Variants in KCNK10 observed in about 807,000 individuals in gnomAD.
KCNK10 encodes the protein potassium two pore domain channel subfamily K member 10.
Under a neutral mutation model 47.7 loss-of-function variants are expected in KCNK10, and 25 were observed. The observed-to-expected ratio is 0.52, with a 90% CI of 0.38 to 0.73. The LOEUF is 0.73. Among genes scored for constraint, KCNK10 ranks in the 30% least tolerant of loss-of-function variants. KCNK10 has a pLI of 0.00. For missense variants in KCNK10, 563 were observed against 714.5 expected (o/e 0.79, Z 2.42); for synonymous variants, 303 against 285.6 (o/e 1.06, Z -0.61).
rs1371957004 is a variant in KCNK10, at chr14:88,182,209, T to C, written c.*3326A>G. On this transcript the variant is annotated 3_prime_UTR_variant, in exon 7 of 7. Coordinates refer to ENST00000319231, the MANE Select transcript of KCNK10 (RefSeq NM_138317.3). ...CACCAGTAAACCTCCAGATTTGTCA[T>C]GCAAGAAAAATTCAGTGCCTGCTTG... 2 of 152,310 alleles carry C rather than the reference T, an allele frequency of 1.3e-5. No individual in the cohort carries two copies. Among genetic ancestry groups the C allele is most frequent in the Non-Finnish European group, 2.9e-5 (2 of 68,054 alleles). 9.4% of individuals were successfully genotyped at this position (152,310 alleles called of 1,614,324 possible). A position where few individuals can be genotyped will look rare whatever the true frequency, so the allele number is the denominator to read the frequency against.
At chr14:88,219,909 A>C (rs569011711) in intron 4 of KCNK10, among the ~76,000 whole-genome samples, 1 of 152,236 alleles carries the variant, frequency 6.6e-6, no homozygotes, top group African/African-American at 2.4e-5. Context: ...TCACTGGTCC[A>C]TTATGGCAAT....
chr14:88,300,701 C>T (rs932472746), intron 1 of KCNK10, among the ~76,000 whole-genome samples: 3 of 152,092 alleles, frequency 2.0e-5, no homozygotes, highest in Non-Finnish European at 2.9e-5. Context: ...AAGAATGCAT[C>T]TTTAGGGTAT....
intron 2 of KCNK10, among the ~76,000 whole-genome samples, chr14:88,255,291 C>T (rs1886918757): frequency 6.6e-6 from 1 of 152,172 alleles, no homozygotes; most frequent in Admixed American, 6.5e-5. Flanking sequence ...TGGAGTCTGG[C>T]TTCCCAGGGC....
At chr14:88,210,554 C>T (rs1237129228) in intron 4 of KCNK10, among the ~76,000 whole-genome samples, 1 of 152,112 alleles carries the variant, frequency 6.6e-6, no homozygotes. Context: ...ATGCAGAGGC[C>T]CTAGTCGGCC....
chr14:88,314,526 T>A (rs1888390122), intron 1 of KCNK10, among the ~76,000 whole-genome samples: 1 of 152,246 alleles, frequency 6.6e-6, no homozygotes. Context: ...ACTCAAATAT[T>A]GTGATTCCAA....
chr14:88,315,972 C>A (rs1001703486), intron 1 of KCNK10, among the ~76,000 whole-genome samples: 17 of 152,178 alleles, frequency 1.1e-4, no homozygotes, highest in African/African-American at 4.1e-4. Context: ...GCAGTAAATC[C>A]TATGTTTTCC....
intron 3 of KCNK10, among the ~76,000 whole-genome samples, chr14:88,229,540 A>T (rs2139875279): frequency 6.6e-6 from 1 of 152,334 alleles, no homozygotes; most frequent in East Asian, 1.9e-4. Flanking sequence ...TGACTAGAAC[A>T]CAAAAATAAT....
rs145319910 is a variant in KCNK10, at chr14:88,190,947, G to A, written c.868+1277C>T. ...AATCAAGACACTGCTGGGATCACAC[G>A]CCAAACAAGAACAGTCTGGCCAGGT... is the stretch of plus-strand genomic sequence containing the variant. On this transcript the variant is annotated intron_variant, in intron 5 of 6. Transcript: ENST00000319231. Among the ~76,000 whole-genome samples the A allele has an allele frequency of 6.5e-3, 981 of 152,092 alleles. 33 individuals are homozygous for A. The highest frequency in any genetic ancestry group is 0.044 in the Admixed American group (675 of 15,280).
intron 1 of KCNK10, among the ~76,000 whole-genome samples, chr14:88,317,993 AGCAG>A (rs1888463732): frequency 6.6e-6 from 1 of 152,242 alleles, no homozygotes; most frequent in Non-Finnish European, 1.5e-5. Context: ...CCATATCTTC[AGCAG>A]GCTAGATCAG....
chr14:88,185,883 CA>C lies in KCNK10; in HGVS notation c.1283del (p.Leu428ArgfsTer3). On this transcript the variant is annotated frameshift_variant, in exon 7 of 7. Transcript: ENST00000319231. LOFTEE classifies it high-confidence loss of function. This position sits in a 1 kb window ranked among gnomAD's most constrained non-coding sequence, Gnocchi z 4.3. ...TCAGCTGCTCCGGCCCCTTCAGGCG[CA>C]GGTTGTTGGGCCGGTTGTTGATGCT... ...QESINNRPNNLRLKGPEQLNK... is the reference protein window; with the variant it reads ...QESINNRPNNXRLKGPEQLNK... 3 of 1,614,092 alleles carry C rather than the reference CA, an allele frequency of 1.9e-6. No individual in the cohort carries two copies. Among genetic ancestry groups the C allele is most frequent in the Non-Finnish European group, 2.5e-6 (3 of 1,180,028 alleles).
chr14:88,278,448 G>C (rs150109359), intron 1 of KCNK10, among the ~76,000 whole-genome samples: 1 of 152,138 alleles, frequency 6.6e-6, no homozygotes, highest in African/African-American at 2.4e-5. Flanking sequence ...GACACTATTC[G>C]AAAATCTAAG....
intron 2 of KCNK10, among the ~76,000 whole-genome samples, 199 bp downstream of exon 2, chr14:88,263,003 G>C (rs1318549790): frequency 6.6e-6 from 1 of 151,868 alleles, no homozygotes; most frequent in African/African-American, 2.4e-5. Flanking sequence ...GCAGAACATG[G>C]ACCCTCCTTC....
chr14:88,294,178 G>A (rs1327362603), intron 1 of KCNK10, among the ~76,000 whole-genome samples: 1 of 152,088 alleles, frequency 6.6e-6, no homozygotes, highest in Non-Finnish European at 1.5e-5. Flanking sequence ...TAGCACATTC[G>A]ATTCCCCCAA....
chr14:88,309,259 C>A lies in KCNK10; in HGVS notation c.52+13488G>T, dbSNP rs115462766. On this transcript the variant is annotated intron_variant, in intron 1 of 6. Transcript: ENST00000319231. ...CGATATGCTCCAGACTCTAGTAGAG[C>A]CTACTGCTCTTTCTCGATTCTTTTT... 7.2e-3 allele frequency among the ~76,000 whole-genome samples: 1,097 copies of A among 152,280 alleles called. 13 individuals are homozygous for A. Among genetic ancestry groups the A allele is most frequent in the African/African-American group, 0.025 (1,047 of 41,546 alleles).
At chr14:88,264,214 A>G (rs141576653) in intron 1 of KCNK10, among the ~76,000 whole-genome samples, 19 of 152,204 alleles carry the variant, frequency 1.2e-4, no homozygotes, top group African/African-American at 3.6e-4. Flanking sequence ...AGCACATAGA[A>G]TTCTCTAAGG....
At chr14:88,198,048 A>G (rs1370460316) in intron 4 of KCNK10, among the ~76,000 whole-genome samples, 5 of 152,224 alleles carry the variant, frequency 3.3e-5, no homozygotes, top group African/African-American at 9.6e-5. Flanking sequence ...AATGACACCT[A>G]GGTGACCAAA....
intron 3 of KCNK10, among the ~76,000 whole-genome samples, chr14:88,228,093 G>A (rs1442645439): frequency 6.6e-6 from 1 of 152,058 alleles, no homozygotes; most frequent in Non-Finnish European, 1.5e-5. Flanking sequence ...GGAAGGGAAG[G>A]CTTTGTGCTG....
intron 2 of KCNK10, among the ~76,000 whole-genome samples, chr14:88,241,239 AGCTTGTTTCCACAGG>A (rs1886457492): frequency 6.6e-6 from 1 of 152,156 alleles, no homozygotes; most frequent in African/African-American, 2.4e-5. Context: ...TTTTACGTTG[AGCTTGTTTCCACAGG>A]GCAGGAGTTA....
At chr14:88,202,941 G>A (rs950355640) in intron 4 of KCNK10, among the ~76,000 whole-genome samples, 9 of 152,230 alleles carry the variant, frequency 5.9e-5, no homozygotes, top group Non-Finnish European at 1.0e-4. Context: ...GAGGGTGAGG[G>A]ACTGGAACCC....
Sources: allele counts gnomAD v4.1 joint callset (sites outside exome capture counted in the v4.1 genomes callset), GRCh38; gene constraint gnomAD v4.1.1; non-coding constraint Gnocchi (gnomAD v3.1); transcripts MANE v1.5; gene names NCBI Gene and HGNC (gene_info 2026-07-23, HGNC 2026-07-21).